The following ERMARD variants were observed in gnomAD, a reference collection of about 807,000 sequenced individuals.
The protein encoded by ERMARD is ER membrane associated RNA degradation.
In ERMARD, 71 loss-of-function variants were observed where a neutral mutation model predicts 83.9. The observed-to-expected ratio is 0.85, with a 90% CI of 0.70 to 1.03. ERMARD has a LOEUF of 1.03. Ranked by LOEUF, ERMARD falls within the 50% of genes least tolerant of loss-of-function variation. The pLI, the probability that ERMARD is intolerant of heterozygous loss-of-function variation, is 0.00. For synonymous variants in ERMARD, 284 were observed against 298.6 expected, an observed-to-expected ratio of 0.95 and a Z score of 0.50; for missense variants, 838 against 810.9, an observed-to-expected ratio of 1.03 and a Z score of -0.41.
rs953652750 is a variant in ERMARD, at chr6:169,762,442, G to A, written c.871G>A (p.Ala291Thr). 5 of 1,613,746 alleles carry A rather than the reference G, an allele frequency of 3.1e-6. No homozygotes were observed. The highest frequency in any genetic ancestry group is 3.3e-4 in the Middle Eastern group (2 of 6,062). ...TCAATTTCATAGGTTTGCTGACTGC[G>A]CCATATTGTTGCTGACACAACTGGA... is the stretch of plus-strand genomic sequence containing the variant. ...KFKSHRFADC[A>T]ILLLTQLETG... The change falls in exon 9 of 18, where the codon GCC becomes ACC. Residue 291 changes from alanine (A) to threonine (T), a missense_variant. By Grantham distance (58) the Ala-to-Thr change is moderately conservative (BLOSUM62 0). Transcript: ENST00000366773.
At chr6:169,780,202 G>T (rs957436034) in intron 17 of ERMARD, among the ~76,000 whole-genome samples, 3 of 152,156 alleles carry the variant, frequency 2.0e-5, no homozygotes, top group African/African-American at 7.2e-5. Context: ...GTGGGCTGGT[G>T]CAAGACTGCC....
chr6:169,776,672 A>G lies in ERMARD; in HGVS notation c.1738A>G (p.Ser580Gly), dbSNP rs1367646053. The G allele has an allele frequency of 1.2e-6, 2 of 1,613,252 alleles. No individual in the cohort carries two copies. Among genetic ancestry groups the G allele is most frequent in the South Asian group, 1.1e-5 (1 of 91,044 alleles). The change falls in exon 16 of 18, where the codon AGT becomes GGT. Residue 580 changes from serine (S) to glycine (G), a missense_variant and splice_region_variant. Physicochemically the swap from Ser to Gly is moderately conservative, Grantham distance 56. Coordinates refer to ENST00000366773, the MANE Select transcript of ERMARD (RefSeq NM_018341.3). ...QRQNYLRMWSSIRLLSPVLSL... is the reference protein window; with the variant it reads ...QRQNYLRMWSGIRLLSPVLSL... ...GCAGAACTACCTGCGTATGTGGAGT[A>G]GGTGCGCGCTCACTTTCCTGTTTTG...
At chr6:169,774,254 G>T in intron 13 of ERMARD, among the ~76,000 whole-genome samples, 1 of 152,302 alleles carries the variant, frequency 6.6e-6, no homozygotes, top group South Asian at 2.1e-4. Flanking sequence ...AGGAAAATAC[G>T]GTCAGAAGGG....
At chr6:169,751,556 C>T, upstream of ERMARD, 1 of 1,610,366 alleles carries the variant, frequency 6.2e-7, no homozygotes, top group East Asian at 2.2e-5. Context: ...CCACCTGCGC[C>T]TCGTACGGTA....
intron 11 of ERMARD, 33 bp from the exon 12 acceptor site, chr6:169,769,507 A>T: frequency 6.3e-7 from 1 of 1,576,304 alleles, no homozygotes; most frequent in Non-Finnish European, 8.6e-7. Flanking sequence ...TGCGGATACT[A>T]ACAAAATATT....
chr6:169,774,167 C>G lies in ERMARD; in HGVS notation c.1317+765C>G, dbSNP rs976081355. ...TGGCTAACACAGTGAAACCCCATCT[C>G]TACTAAAAATACAAAAATTAGCCGG... On this transcript the variant is annotated intron_variant, in intron 13 of 17. Transcript: ENST00000366773. Among the ~76,000 whole-genome samples, 35 of 152,274 alleles carry G rather than the reference C, an allele frequency of 2.3e-4. No homozygotes were observed. The Middle Eastern group carries it at 0.02, about 89-fold the overall frequency.
chr6:169,763,714 C>T (rs1260897933), intron 9 of ERMARD, among the ~76,000 whole-genome samples: 5 of 152,228 alleles, frequency 3.3e-5, no homozygotes, highest in African/African-American at 4.8e-5. Flanking sequence ...TGGGAGATCT[C>T]ATACAATTCT....
Position 169,775,254 on chromosome 6 carries a change from A to T in ERMARD, c.1318-16A>T, listed in dbSNP as rs1263924296. 1 of 1,613,482 alleles carries T rather than the reference A, an allele frequency of 6.2e-7. No individual in the cohort carries two copies. The highest frequency in any genetic ancestry group is 1.7e-5 in the Admixed American group (1 of 59,922). ...TACTGTGAAATCTACAAAAGCAATA[A>T]AACATTTCCTCCCAGGTGCTGAGCT... On this transcript the variant is annotated splice_polypyrimidine_tract_variant and intron_variant, in intron 13 of 17. Transcript: ENST00000366773.
rs147180719 is a variant in ERMARD, at chr6:169,760,861, G to C, written c.857+105G>C. The C allele has an allele frequency of 7.4e-4, 547 of 743,642 alleles. 3 individuals carry two copies. In the African/African-American group the frequency reaches 9.0e-3, roughly 12 times the overall value. The allele number at this position is 743,642 out of a possible 1,614,324, so 46.1% of individuals were successfully genotyped here. ...TTTGCTGTTGGAGTAGAAGTGAAGAGAACCTGGACTGACTTGAGCAGACCT... is the reference window on the plus strand; with the variant it reads ...TTTGCTGTTGGAGTAGAAGTGAAGACAACCTGGACTGACTTGAGCAGACCT... On this transcript the variant is annotated intron_variant, in intron 8 of 17. Transcript: ENST00000366773.
intron 10 of ERMARD, chr6:169,767,868 CACAT>C (rs1360707579): frequency 2.5e-5 from 14 of 549,624 alleles, no homozygotes; most frequent in East Asian, 1.8e-4. Context: ...TATTCATAGT[CACAT>C]ACACAAACAC....
chr6:169,766,126 G>C (rs557394745), intron 9 of ERMARD, among the ~76,000 whole-genome samples: 50 of 152,374 alleles, frequency 3.3e-4, no homozygotes, highest in African/African-American at 1.2e-3. Context: ...CATCTGTGGA[G>C]TTCAATCGGT....
rs1355887558 is a variant in ERMARD at position 169,776,443 on chromosome 6, C to G, written c.1521-12C>G. ...ATCATGATGCCTGCTCCAAGTCTGG[C>G]TCTGTTTGCAGGTGGCCCCAGCTTC... On this transcript the variant is annotated splice_polypyrimidine_tract_variant and intron_variant, in intron 15 of 17. Transcript: ENST00000366773. 1.2e-6 allele frequency: 2 copies of G among 1,611,380 alleles called. No homozygotes were observed. Among genetic ancestry groups the G allele is most frequent in the African/African-American group, 2.7e-5 (2 of 74,900 alleles).
In ERMARD at chr6:169,754,032, G is replaced by C; in HGVS notation, c.175G>C (p.Glu59Gln). 1 of 1,606,396 alleles carries C rather than the reference G, an allele frequency of 6.2e-7. No homozygotes were observed. The highest frequency in any genetic ancestry group is 8.5e-7 in the Non-Finnish European group (1 of 1,175,352). Residue 59 changes from glutamate to glutamine, a missense_variant and splice_region_variant, in exon 2 of 18, where the codon GAG becomes CAG. By Grantham distance (29) the Glu-to-Gln change is conservative. Coordinates refer to ENST00000366773, the MANE Select transcript of ERMARD (RefSeq NM_018341.3). ...ITDCVSYTES[E>Q]QGLDYWGSVR... ...AGACTGTGTGAGCTACACAGAGTCA[G>C]GTTTGTGCTGTCTTTGTACTCCAAA...
chr6:169,776,731 T>G, intron 16 of ERMARD, 58 bp downstream of exon 16: 1 of 1,586,142 alleles, frequency 6.3e-7, no homozygotes, highest in Non-Finnish European at 8.6e-7. Context: ...TTGTCACAGA[T>G]GCAGTTCTAG....
chr6:169,779,809 T>C (rs886742116), intron 17 of ERMARD, among the ~76,000 whole-genome samples: 1 of 152,230 alleles, frequency 6.6e-6, no homozygotes, highest in East Asian at 1.9e-4. Flanking sequence ...TTGTTTCCAA[T>C]TCGGGAAGTC....
chr6:169,752,637 A>G (rs1032307021), intron 1 of ERMARD, among the ~76,000 whole-genome samples: 1 of 152,214 alleles, frequency 6.6e-6, no homozygotes, highest in Non-Finnish European at 1.5e-5. Flanking sequence ...AGCAGTTTCC[A>G]CATTAGGAAG....
chr6:169,775,244 A>C (rs1316146671), intron 13 of ERMARD, 26 bp from the exon 14 acceptor site: 1 of 1,611,750 alleles, frequency 6.2e-7, no homozygotes, highest in African/African-American at 1.3e-5. Flanking sequence ...TGAAATCTAC[A>C]AAAGCAATAA....
At chr6:169,752,570 G>C (rs1244828194) in intron 1 of ERMARD, among the ~76,000 whole-genome samples, 1 of 152,150 alleles carries the variant, frequency 6.6e-6, no homozygotes, top group East Asian at 1.9e-4. Flanking sequence ...CGAAAACCAG[G>C]GCTGAGAGTG....
intron 12 of ERMARD, chr6:169,773,034 G>T (rs957864128): frequency 2.9e-6 from 1 of 346,422 alleles, no homozygotes; most frequent in Non-Finnish European, 5.2e-6. Flanking sequence ...ATTTCCAATT[G>T]TTTGGAATCT....
Sources: gnomAD v4.1 joint callset for allele counts (sites outside exome capture counted in the v4.1 genomes callset) on GRCh38, gnomAD v4.1.1 for gene constraint, MANE v1.5 for transcripts, NCBI Gene and HGNC (gene_info 2026-07-23, HGNC 2026-07-21) for gene names.